FKBP6: variants seen among roughly 807,000 people sequenced by gnomAD.
FKBP6 encodes the protein inactive peptidyl-prolyl cis-trans isomerase FKBP6.
In FKBP6, 29 loss-of-function variants were observed where a neutral mutation model predicts 41.7. That is an observed-to-expected ratio of 0.70 (90% CI 0.52 to 0.95). The LOEUF is 0.95. Ranked by LOEUF, FKBP6 falls within the 40% of genes least tolerant of loss-of-function variation. The pLI is 0.00. For missense variants in FKBP6, 338 were observed against 408.7 expected (o/e 0.83, Z 1.49); for synonymous variants, 130 against 165.1 (o/e 0.79, Z 1.63).
chr7:73,341,450 C>G (rs544987261), intron 7 of FKBP6, 68 bp downstream of exon 7: 35 of 972,754 alleles, frequency 3.6e-5, no homozygotes, highest in African/African-American at 1.8e-4. Flanking sequence ...TCCCCCCACC[C>G]CCCCCAACAA....
chr7:73,341,233 C>T (rs782572400), intron 6 of FKBP6, 40 bp from the exon 7 acceptor site: 78 of 1,399,180 alleles, frequency 5.6e-5, no homozygotes, highest in Non-Finnish European at 7.9e-5. Context: ...CAAATGATAT[C>T]TTTTCTAACT....
intron 5 of FKBP6, among the ~76,000 whole-genome samples, chr7:73,337,306 GTTC>G (rs1329281854): frequency 1.3e-4 from 17 of 133,224 alleles, no homozygotes; most frequent in African/African-American, 4.7e-4. Flanking sequence ...GTTCTTCCAT[GTTC>G]TTTTTTTTTT....
chr7:73,352,643 G>A (rs1182537834), intron 8 of FKBP6, among the ~76,000 whole-genome samples: 1 of 152,182 alleles, frequency 6.6e-6, no homozygotes, highest in African/African-American at 2.4e-5. Flanking sequence ...CCGACCCAGG[G>A]TGAAGCTGAG....
chr7:73,328,994 T>C (rs1554546974), intron 2 of FKBP6, among the ~76,000 whole-genome samples: 1 of 151,954 alleles, frequency 6.6e-6, no homozygotes, highest in African/African-American at 2.4e-5. Context: ...TTTGTAGATA[T>C]GGGGGACTCT....
At chr7:73,344,297 A>G (rs1163865461) in intron 8 of FKBP6, among the ~76,000 whole-genome samples, 2 of 152,210 alleles carry the variant, frequency 1.3e-5, no homozygotes, top group Non-Finnish European at 2.9e-5. Flanking sequence ...TTTCCTCGCC[A>G]TCATGTTTGC....
intron 8 of FKBP6, among the ~76,000 whole-genome samples, chr7:73,356,139 A>T (rs563258314): frequency 6.6e-6 from 1 of 151,138 alleles, no homozygotes; most frequent in Non-Finnish European, 1.5e-5. Flanking sequence ...TACATTTTGT[A>T]CTAGAATATA....
chr7:73,351,122 C>A (rs1208172258), intron 8 of FKBP6, among the ~76,000 whole-genome samples: 1 of 152,072 alleles, frequency 6.6e-6, no homozygotes, highest in Non-Finnish European at 1.5e-5. Flanking sequence ...CTCTGTCACC[C>A]AGGCTGGAGT....
intron 4 of FKBP6, 102 bp downstream of exon 4, chr7:73,330,454 TC>T: frequency 1.1e-6 from 1 of 903,238 alleles, no homozygotes; most frequent in Non-Finnish European, 1.8e-6. Context: ...GATCGTCCTC[TC>T]CAGGGTACCC....
intron 5 of FKBP6, among the ~76,000 whole-genome samples, chr7:73,336,185 G>A (rs1804999999): frequency 6.6e-6 from 1 of 152,178 alleles, no homozygotes; most frequent in Non-Finnish European, 1.5e-5. Context: ...GGGAGATGAT[G>A]AGGTCATGAA....
chr7:73,346,152 T>TA (rs1805326821), intron 8 of FKBP6, among the ~76,000 whole-genome samples: 1 of 152,166 alleles, frequency 6.6e-6, no homozygotes, highest in Non-Finnish European at 1.5e-5. Flanking sequence ...ACAGATTTTG[T>TA]TGCCTGCTGT....
At chr7:73,339,433 A>G (rs552646448) in intron 5 of FKBP6, among the ~76,000 whole-genome samples, 1 of 152,324 alleles carries the variant, frequency 6.6e-6, no homozygotes, top group South Asian at 2.1e-4. Flanking sequence ...ATTGATCTAC[A>G]TGTCTGTCCT....
Position 73,328,356 on chromosome 7 carries a change from CAG to C in FKBP6, c.-70_-69del. 4.5e-6 allele frequency: 7 copies of C among 1,560,534 alleles called. No individual in the cohort carries two copies. Among genetic ancestry groups the C allele is most frequent in the Non-Finnish European group, 6.1e-6 (7 of 1,152,990 alleles). On this transcript the variant is annotated 5_prime_UTR_variant, in exon 1 of 9. Coordinates refer to ENST00000252037, the MANE Select transcript of FKBP6 (RefSeq NM_003602.5). Reference sequence around the variant, plus strand: ...CATAAAGGGGCCTTCGGAACCCCACCAGAGTCACAGCCAGGGAGGGCAGCGGG... The same window carrying C: ...CATAAAGGGGCCTTCGGAACCCCACCAGTCACAGCCAGGGAGGGCAGCGGG...
chr7:73,339,494 T>G (rs1472870483), intron 5 of FKBP6, among the ~76,000 whole-genome samples: 5 of 152,322 alleles, frequency 3.3e-5, no homozygotes, highest in East Asian at 1.9e-4. Context: ...AAGTTTCGTG[T>G]TTTTTGTTTA....
At chr7:73,354,671 A>G (rs1583827341) in intron 8 of FKBP6, among the ~76,000 whole-genome samples, 2 of 152,202 alleles carry the variant, frequency 1.3e-5, no homozygotes, top group African/African-American at 4.8e-5. Flanking sequence ...GGTTTCAGGA[A>G]GGTCTTTCAT....
intron 5 of FKBP6, among the ~76,000 whole-genome samples, chr7:73,339,801 T>TG (rs1306566079): frequency 1.3e-5 from 2 of 152,006 alleles, no homozygotes; most frequent in Admixed American, 6.6e-5. Flanking sequence ...TTAGTAGAGA[T>TG]GGGGTTTCAC....
At chr7:73,341,752 G>A (rs1427391760) in intron 7 of FKBP6, among the ~76,000 whole-genome samples, 1 of 149,014 alleles carries the variant, frequency 6.7e-6, no homozygotes, top group Non-Finnish European at 1.5e-5. Flanking sequence ...CAACCTCCGC[G>A]TCCCGAGTTC....
At chr7:73,340,379 T>C (rs947817841) in intron 5 of FKBP6, among the ~76,000 whole-genome samples, 5 of 152,128 alleles carry the variant, frequency 3.3e-5, no homozygotes, top group Non-Finnish European at 1.5e-5. Context: ...TAGCCGGGCA[T>C]GGTGGTGCAC....
intron 4 of FKBP6, 78 bp downstream of exon 4, chr7:73,330,430 C>A: frequency 8.6e-7 from 1 of 1,165,560 alleles, no homozygotes; most frequent in Non-Finnish European, 1.3e-6. Context: ...TTCTAGATGG[C>A]CTGCCCTGAG....
intron 5 of FKBP6, among the ~76,000 whole-genome samples, chr7:73,332,204 C>G (rs1275894779): frequency 2.0e-5 from 3 of 152,078 alleles, no homozygotes; most frequent in African/African-American, 7.2e-5. Context: ...TTTCTATGAG[C>G]AGCCATTAAG....
Sources: gnomAD v4.1 joint callset for allele counts (sites outside exome capture counted in the v4.1 genomes callset) on GRCh38, gnomAD v4.1.1 for gene constraint, MANE v1.5 for transcripts, NCBI Gene and HGNC (gene_info 2026-07-23, HGNC 2026-07-21) for gene names.